The following GNPAT variants were observed in gnomAD, a reference collection of about 807,000 sequenced individuals.
GNPAT encodes the protein dihydroxyacetone phosphate acyltransferase.
GNPAT carries 30 observed loss-of-function variants against 78.4 expected under a neutral mutation model. That is an observed-to-expected ratio of 0.38 (90% CI 0.29 to 0.52). The LOEUF is 0.52. Ranked by LOEUF, GNPAT falls within the 20% of genes least tolerant of loss-of-function variation. GNPAT has a pLI of 0.84. For synonymous variants in GNPAT, 271 were observed against 281.1 expected (o/e 0.96, Z 0.36); for missense variants, 714 against 812.2 (o/e 0.88, Z 1.47).
At chr1:231,270,289 A>G (rs1685521109) in intron 9 of GNPAT, among the ~76,000 whole-genome samples, 1 of 152,110 alleles carries the variant, frequency 6.6e-6, no homozygotes, top group African/African-American at 2.4e-5. Flanking sequence ...CCATTTTAGT[A>G]TGGGTCTAAG....
At chr1:231,277,444 G>T (rs1222934403) in intron 15 of GNPAT, 55 bp from the exon 16 acceptor site, 1 of 1,069,034 alleles carries the variant, frequency 9.4e-7, no homozygotes, top group Non-Finnish European at 1.5e-6. Context: ...ACAGCTGTAT[G>T]AGGAAGGGCA....
At chr1:231,253,572 AT>A (rs1295165704) in intron 2 of GNPAT, among the ~76,000 whole-genome samples, 1 of 152,130 alleles carries the variant, frequency 6.6e-6, no homozygotes, top group South Asian at 2.1e-4. Context: ...CTGTGCTCCT[AT>A]TCCTTTGTTT....
chr1:231,273,248 C>CT (rs574185259), intron 11 of GNPAT, among the ~76,000 whole-genome samples: 2,427 of 122,706 alleles, frequency 0.02, 121 homozygotes, highest in African/African-American at 0.059. Flanking sequence ...GTGTTGGAAA[C>CT]TTTTTTTTTT....
intron 15 of GNPAT, 86 bp from the exon 16 acceptor site, chr1:231,277,413 C>T: frequency 1.2e-6 from 1 of 835,452 alleles, no homozygotes; most frequent in South Asian, 1.3e-5. Flanking sequence ...CCAGCTTCTC[C>T]CCTGGACAGT....
At position 231,272,344 on chromosome 1, in the gene GNPAT, G is replaced by A. The variant is rs1166264060; in HGVS notation, c.1555G>A (p.Asp519Asn). ...DVYSCFRFLR[D>N]VFADEFIFLP... is the part of the protein sequence containing the mutation. ...CTACAGTTGCTTTCGCTTCCTACGT[G>A]ATGTTTTTGCAGATGAGTTCATCTT... Residue 519 changes from aspartate (D) to asparagine (N), a missense_variant, in exon 11 of 16, where the codon GAT becomes AAT. Coordinates refer to ENST00000366647, the MANE Select transcript of GNPAT (RefSeq NM_014236.4). 1 of 1,597,204 alleles carries A rather than the reference G, an allele frequency of 6.3e-7. No homozygotes were observed.
chr1:231,251,918 C>A (rs950329139), intron 2 of GNPAT, among the ~76,000 whole-genome samples: 3 of 152,258 alleles, frequency 2.0e-5, no homozygotes, highest in South Asian at 2.1e-4. Context: ...AGTTTACTTT[C>A]ACTGTACTGA....
chr1:231,241,698 T>A (rs1157461898), intron 1 of GNPAT, among the ~76,000 whole-genome samples: 1 of 152,262 alleles, frequency 6.6e-6, no homozygotes, highest in Non-Finnish European at 1.5e-5. Context: ...ACTTTTTCCT[T>A]CTCTTTCTTT....
At chr1:231,262,129 G>A (rs912401995) in intron 3 of GNPAT, among the ~76,000 whole-genome samples, 7 of 152,228 alleles carry the variant, frequency 4.6e-5, no homozygotes, top group Non-Finnish European at 8.8e-5. Flanking sequence ...ATCCCTCCCA[G>A]CCACATGACA....
At chr1:231,261,723 G>T (rs1216119433) in intron 3 of GNPAT, among the ~76,000 whole-genome samples, 1 of 152,094 alleles carries the variant, frequency 6.6e-6, no homozygotes, top group Non-Finnish European at 1.5e-5. Flanking sequence ...GTTAATGATT[G>T]CCAAATGATG....
intron 11 of GNPAT, among the ~76,000 whole-genome samples, chr1:231,273,503 A>G (rs1211477986): frequency 6.6e-6 from 1 of 152,116 alleles, no homozygotes; most frequent in Non-Finnish European, 1.5e-5. Context: ...CGCCCGCCTC[A>G]GCCTCTCAAA....
chr1:231,249,696 AGAG>A (rs954318201), intron 1 of GNPAT, among the ~76,000 whole-genome samples: 18 of 152,362 alleles, frequency 1.2e-4, no homozygotes, highest in African/African-American at 4.3e-4. Flanking sequence ...GAGCTTTCAT[AGAG>A]GAGTGGTGCC....
At chr1:231,254,199 G>A (rs954485655) in intron 2 of GNPAT, among the ~76,000 whole-genome samples, 1 of 152,214 alleles carries the variant, frequency 6.6e-6, no homozygotes, top group African/African-American at 2.4e-5. Flanking sequence ...TCAGGCCAGT[G>A]TTTCTCTGAC....
At chr1:231,249,675 G>A (rs1378923992) in intron 1 of GNPAT, among the ~76,000 whole-genome samples, 1 of 152,278 alleles carries the variant, frequency 6.6e-6, no homozygotes, top group Admixed American at 6.5e-5. Flanking sequence ...ATTCCATTCG[G>A]GACTCTGGGA....
At chr1:231,248,088 G>C (rs1459479112) in intron 1 of GNPAT, among the ~76,000 whole-genome samples, 2 of 152,160 alleles carry the variant, frequency 1.3e-5, no homozygotes. Flanking sequence ...AACAACGTGG[G>C]AGTTGGGGGC....
chr1:231,265,294 C>T lies in GNPAT; in HGVS notation c.570C>T (p.Asp190=). ...LPVPVIAAGM[D]FLGMKMVGEL... is the part of the protein sequence containing the mutation. ...TAAATATTATCCCCTCTTTTTTAGA[C>T]TTCCTGGGAATGAAAATGGTTGGTG... The change falls in exon 5 of 16, where the codon GAC becomes GAT. Residue 190 remains aspartate (D), a splice_region_variant and synonymous_variant. Transcript: ENST00000366647. 1 of 1,609,950 alleles carries T rather than the reference C, an allele frequency of 6.2e-7. No homozygotes were observed. The highest frequency in any genetic ancestry group is 1.1e-5 in the South Asian group (1 of 91,002).
Position 231,260,968 on chromosome 1 carries a change from A to G in GNPAT, c.438+285A>G, listed in dbSNP as rs939188740. The stretch of plus-strand genomic sequence containing the variant: ...GACTTATAGACTAACTTAATGCCAG[A>G]TATTCAGTAACGTTACAAAAGAAAT... On this transcript the variant is annotated intron_variant, in intron 3 of 15. Coordinates refer to ENST00000366647, the MANE Select transcript of GNPAT (RefSeq NM_014236.4). 4.6e-5 allele frequency among the ~76,000 whole-genome samples: 7 copies of G among 152,206 alleles called. No homozygotes were observed. In the South Asian group the frequency reaches 1.4e-3, roughly 31 times the overall value.
chr1:231,246,974 C>A (rs1684766516), intron 1 of GNPAT, among the ~76,000 whole-genome samples: 2 of 152,166 alleles, frequency 1.3e-5, no homozygotes, highest in African/African-American at 4.8e-5. Flanking sequence ...TCCAGACCAT[C>A]CTGGCTAACA....
Position 231,265,342 on chromosome 1 carries a change from CT to C in GNPAT, c.623del (p.Phe208SerfsTer20). 2 of 1,611,632 alleles carry C rather than the reference CT, an allele frequency of 1.2e-6. No homozygotes were observed. Among genetic ancestry groups the C allele is most frequent in the Non-Finnish European group, 1.7e-6 (2 of 1,177,778 alleles). ...GTGAGCTGCTACGAATGTCGGGTGC[CT>C]TTTTCATGCGGCGTACCTTTGGTGG... The part of the protein sequence containing the change: ...VGELLRMSGA[F>X]FMRRTFGGNK... On this transcript the variant is annotated frameshift_variant, in exon 5 of 16. Coordinates refer to ENST00000366647, the MANE Select transcript of GNPAT (RefSeq NM_014236.4). LOFTEE classifies it high-confidence loss of function.
chr1:231,248,958 T>C (rs1684821421), intron 1 of GNPAT, among the ~76,000 whole-genome samples: 1 of 152,220 alleles, frequency 6.6e-6, no homozygotes, highest in African/African-American at 2.4e-5. Flanking sequence ...TGTACAATGA[T>C]GAAATTGCCT....
Sources: gnomAD v4.1 joint callset for allele counts (sites outside exome capture counted in the v4.1 genomes callset) on GRCh38, gnomAD v4.1.1 for gene constraint, MANE v1.5 for transcripts, NCBI Gene and HGNC (gene_info 2026-07-23, HGNC 2026-07-21) for gene names.